ALK: variants seen among roughly 807,000 people sequenced by gnomAD.
The protein encoded by ALK is ALK tyrosine kinase receptor.
A neutral mutation model predicts 163.1 loss-of-function variants in ALK; 74 were observed. The ratio of observed to expected loss-of-function variants is 0.45; its 90% confidence interval spans 0.38 to 0.55. The LOEUF is 0.55. Ranked by LOEUF, ALK falls within the 20% of genes least tolerant of loss-of-function variation. ALK has a pLI of 0.00. For synonymous variants in ALK, 960 were observed against 843.2 expected (o/e 1.14, Z -2.40); for missense variants, 2,063 against 2,105.3 (o/e 0.98, Z 0.39).
chr2:29,810,349 G>A (rs1664726039), intron 1 of ALK, among the ~76,000 whole-genome samples: 1 of 150,912 alleles, frequency 6.6e-6, no homozygotes, highest in Non-Finnish European at 1.5e-5. Context: ...TTGAACCCGG[G>A]AGGCAGATAT....
At position 29,225,680 on chromosome 2, in the gene ALK, G is replaced by A. The variant is rs547509376; in HGVS notation, c.3068-115C>T. The A allele has an allele frequency of 1.2e-5, 10 of 839,906 alleles. No homozygotes were observed. The Admixed American group carries it at 1.4e-4, about 12-fold the overall frequency. 52.0% of individuals were successfully genotyped at this position (839,906 alleles called of 1,614,324 possible). A position where few individuals can be genotyped will look rare whatever the true frequency, so the allele number is the denominator to read the frequency against. On this transcript the variant is annotated intron_variant, in intron 18 of 28. Coordinates refer to ENST00000389048, the MANE Select transcript of ALK (RefSeq NM_004304.5). ...CAAAAACTACTTGCTCCTTCCCATC[G>A]CTGGAGACCTTGTCACACTTTTCTT...
intron 4 of ALK, among the ~76,000 whole-genome samples, chr2:29,418,021 T>G (rs1191269266): frequency 6.6e-6 from 1 of 152,232 alleles, no homozygotes; most frequent in Non-Finnish European, 1.5e-5. Context: ...CCCTGGGGCA[T>G]GGCACCCCTT....
intron 3 of ALK, among the ~76,000 whole-genome samples, chr2:29,691,160 C>T (rs758150491): frequency 2.6e-5 from 4 of 152,168 alleles, no homozygotes; most frequent in Non-Finnish European, 4.4e-5. Context: ...TAACTGACTA[C>T]AAAAGTGATG....
intron 4 of ALK, among the ~76,000 whole-genome samples, chr2:29,463,518 G>A (rs1043664223): frequency 6.6e-6 from 1 of 152,174 alleles, no homozygotes; most frequent in Non-Finnish European, 1.5e-5. Flanking sequence ...AAAATGGTGG[G>A]TTTCAGCCAC....
At chr2:29,529,685 G>T (rs1170969071) in intron 4 of ALK, among the ~76,000 whole-genome samples, 2 of 152,234 alleles carry the variant, frequency 1.3e-5, no homozygotes, top group Non-Finnish European at 2.9e-5. Context: ...TCCATTGATT[G>T]TCCTTTCTGC....
chr2:29,857,414 GA>G (rs1666169028), intron 1 of ALK, among the ~76,000 whole-genome samples: 1 of 152,128 alleles, frequency 6.6e-6, no homozygotes, highest in South Asian at 2.1e-4. Context: ...AAAAAAAAGG[GA>G]AAATACAAAC....
At chr2:29,455,639 A>C (rs1397410353) in intron 4 of ALK, among the ~76,000 whole-genome samples, 1 of 152,220 alleles carries the variant, frequency 6.6e-6, no homozygotes, top group African/African-American at 2.4e-5. Flanking sequence ...AGAAGGGAAC[A>C]AGCACAATAT....
chr2:29,249,183 G>A (rs1664757452), intron 12 of ALK, among the ~76,000 whole-genome samples: 2 of 152,332 alleles, frequency 1.3e-5, no homozygotes, highest in East Asian at 1.9e-4. Context: ...CCCATTCAAG[G>A]GATCTCCTGA....
rs1665238259 is a variant in ALK at position 29,266,973 on chromosome 2, T to C, written c.2041+8126A>G. Among the ~76,000 whole-genome samples, 4 of 152,122 alleles carry C rather than the reference T, an allele frequency of 2.6e-5. No homozygotes were observed. The South Asian group carries it at 8.3e-4, about 32-fold the overall frequency. On this transcript the variant is annotated intron_variant, in intron 11 of 28. Coordinates refer to ENST00000389048, the MANE Select transcript of ALK (RefSeq NM_004304.5). ...CACACCCTTGTGTAACCTCCTCCCT[T>C]TGAGTATAGGTGAGATCTGTGAATT...
At position 29,835,814 on chromosome 2, in the gene ALK, C is replaced by A. The variant is rs190222464; in HGVS notation, c.667+84179G>T. Among the ~76,000 whole-genome samples, 540 of 152,334 alleles carry A rather than the reference C, an allele frequency of 3.5e-3. 5 individuals are homozygous for A. The highest frequency in any genetic ancestry group is 6.8e-3 in the Middle Eastern group (2 of 294). ...CCTGGCTCTCGTTCTTACTTGTCTG[C>A]CTCCATGTAAGACAAGCCTCACCTT... On this transcript the variant is annotated intron_variant, in intron 1 of 28. Coordinates refer to ENST00000389048, the MANE Select transcript of ALK (RefSeq NM_004304.5).
At chr2:29,544,259 C>T (rs1558377002) in intron 3 of ALK, among the ~76,000 whole-genome samples, 4 of 152,188 alleles carry the variant, frequency 2.6e-5, no homozygotes, top group South Asian at 2.1e-4. Flanking sequence ...GAGTACCTTC[C>T]GCAGAACACC....
intron 3 of ALK, among the ~76,000 whole-genome samples, chr2:29,645,463 C>G (rs1573524382): frequency 6.6e-6 from 1 of 152,122 alleles, no homozygotes; most frequent in African/African-American, 2.4e-5. Flanking sequence ...TCCAAATACT[C>G]TCATGGTATC....
At chr2:29,330,954 G>T (rs891568730) in intron 5 of ALK, among the ~76,000 whole-genome samples, 2 of 152,172 alleles carry the variant, frequency 1.3e-5, no homozygotes, top group Non-Finnish European at 2.9e-5. Flanking sequence ...AACTGTAAAA[G>T]AACAAATTCA....
intron 1 of ALK, among the ~76,000 whole-genome samples, chr2:29,735,542 AATT>A (rs1188492913): frequency 1.3e-5 from 2 of 152,130 alleles, no homozygotes; most frequent in East Asian, 3.9e-4. Context: ...GCTTTACTTG[AATT>A]ATCTCACCTA....
intron 1 of ALK, among the ~76,000 whole-genome samples, chr2:29,791,945 T>C (rs1401674290): frequency 6.6e-6 from 1 of 152,218 alleles, no homozygotes; most frequent in African/African-American, 2.4e-5. Context: ...TTTTGTGTTT[T>C]CCATAGATGT....
chr2:29,325,186 A>G (rs1394481671), intron 6 of ALK, among the ~76,000 whole-genome samples: 1 of 152,140 alleles, frequency 6.6e-6, no homozygotes, highest in East Asian at 1.9e-4. Context: ...AAAGACCCTC[A>G]GGAAGGTTCT....
At chr2:29,807,832 C>G (rs372045345) in intron 1 of ALK, among the ~76,000 whole-genome samples, 35 of 152,298 alleles carry the variant, frequency 2.3e-4, no homozygotes, top group African/African-American at 7.7e-4. Context: ...TTCCATAACA[C>G]AGGCATGGAT....
intron 1 of ALK, among the ~76,000 whole-genome samples, chr2:29,765,133 T>A (rs1680822662): frequency 6.6e-6 from 1 of 152,202 alleles, no homozygotes; most frequent in Non-Finnish European, 1.5e-5. Context: ...TTGTATATCC[T>A]GTAGAACTAT....
chr2:29,506,238 T>C (rs1160221514), intron 4 of ALK, among the ~76,000 whole-genome samples: 1 of 152,216 alleles, frequency 6.6e-6, no homozygotes, highest in African/African-American at 2.4e-5. Context: ...CTTTTTCCAA[T>C]TCTGCATGGT....
Sources: allele counts gnomAD v4.1 joint callset (sites outside exome capture counted in the v4.1 genomes callset), GRCh38; gene constraint gnomAD v4.1.1; transcripts MANE v1.5; gene names NCBI Gene and HGNC (gene_info 2026-07-23, HGNC 2026-07-21).